The following PVT1 variants were observed in gnomAD, a reference collection of about 807,000 sequenced individuals.
PVT1 encodes Pvt1 oncogene, also known as CXCR4/PVT1 fusion.
intron 2 of PVT1, among the ~76,000 whole-genome samples, chr8:127,871,917 C>G (rs779979336): frequency 6.6e-6 from 1 of 151,858 alleles, no homozygotes; most frequent in Non-Finnish European, 1.5e-5. Flanking sequence ...GGCAAAACCC[C>G]GTCTCCACTA....
intron 4 of PVT1, among the ~76,000 whole-genome samples, chr8:128,064,123 T>G (rs79243076): frequency 0.031 from 4,697 of 152,294 alleles, 238 homozygotes; most frequent in African/African-American, 0.11. Context: ...TTGATAGTCC[T>G]TCCTGCAGTA....
At position 127,932,707 on chromosome 8, in the gene PVT1, G is replaced by T. The variant is rs542766793; in HGVS notation, n.782+41709G>T. Reference sequence around the variant, plus strand: ...AATAAAAAATAAAAACATAATACACGTTATATTTCTATCTTATAATACACA... The same window carrying T: ...AATAAAAAATAAAAACATAATACACTTTATATTTCTATCTTATAATACACA... On this transcript the variant is annotated intron_variant and non_coding_transcript_variant, in intron 3 of 10. Coordinates refer to ENST00000651587, the Ensembl canonical transcript of PVT1. 4.4e-5 allele frequency: 17 copies of T among 387,016 alleles called. No homozygotes were observed. The East Asian group carries it at 5.5e-4, about 13-fold the overall frequency. The allele number at this position is 387,016 out of a possible 1,614,324, so 24.0% of individuals were successfully genotyped here.
chr8:127,825,490 G>A (rs1439199727), intron 2 of PVT1, among the ~76,000 whole-genome samples: 2 of 152,156 alleles, frequency 1.3e-5, no homozygotes, highest in Non-Finnish European at 2.9e-5. Context: ...TTTTGAGTTT[G>A]ATTTAAATAG....
chr8:127,918,580 G>A (rs1816019665), intron 3 of PVT1, among the ~76,000 whole-genome samples: 2 of 152,128 alleles, frequency 1.3e-5, no homozygotes, highest in African/African-American at 4.8e-5. Flanking sequence ...CTGGCACTAG[G>A]GGCTTGCATG....
At chr8:128,009,127 TCTG>T (rs1258436154) in intron 4 of PVT1, among the ~76,000 whole-genome samples, 2 of 152,188 alleles carry the variant, frequency 1.3e-5, no homozygotes, top group African/African-American at 4.8e-5. Flanking sequence ...GTATTAGAAA[TCTG>T]CTTATATCAT....
At chr8:128,007,550 G>A (rs1172261725) in intron 4 of PVT1, among the ~76,000 whole-genome samples, 1 of 152,158 alleles carries the variant, frequency 6.6e-6, no homozygotes, top group Non-Finnish European at 1.5e-5. Flanking sequence ...GCCCATTTTT[G>A]TAGGAGCAAG....
intron 4 of PVT1, among the ~76,000 whole-genome samples, chr8:128,007,822 T>A (rs1672479356): frequency 6.6e-6 from 1 of 152,260 alleles, no homozygotes; most frequent in South Asian, 2.1e-4. Context: ...CAGGCAGTGC[T>A]GTGCAATGTC....
intron 2 of PVT1, among the ~76,000 whole-genome samples, chr8:127,815,404 G>C (rs1296626732): frequency 6.6e-6 from 1 of 152,212 alleles, no homozygotes; most frequent in Non-Finnish European, 1.5e-5. Flanking sequence ...GTGAGGCACA[G>C]ACATTTTAAG....
chr8:127,982,540 T>C (rs1328796518), intron 3 of PVT1, among the ~76,000 whole-genome samples: 1 of 152,078 alleles, frequency 6.6e-6, no homozygotes, highest in Non-Finnish European at 1.5e-5. Flanking sequence ...CTGGGTTCAG[T>C]GGCTCATGCC....
chr8:127,816,407 CAA>C lies in PVT1; in HGVS notation n.372+20338_372+20339del, dbSNP rs1814660049. Among the ~76,000 whole-genome samples, 2 of 151,396 alleles carry C rather than the reference CAA, an allele frequency of 1.3e-5. 1 individual carries two copies. Among genetic ancestry groups the C allele is most frequent in the Admixed American group, 1.3e-4 (2 of 15,190 alleles). ...GAGAGATCCTCTTATCTCGGCCTCT[CAA>C]AGTGTTGAGATTACAGGCGTGAGCC... On this transcript the variant is annotated intron_variant and non_coding_transcript_variant, in intron 2 of 10. Transcript: ENST00000651587.
chr8:127,826,344 G>C (rs1275892924), intron 2 of PVT1, among the ~76,000 whole-genome samples: 1 of 152,168 alleles, frequency 6.6e-6, no homozygotes, highest in Non-Finnish European at 1.5e-5. Flanking sequence ...TAATCCTGGT[G>C]ATTTCTCGTA....
intron 3 of PVT1, among the ~76,000 whole-genome samples, chr8:127,936,043 T>C (rs1816269530): frequency 1.3e-5 from 2 of 149,834 alleles, no homozygotes; most frequent in Admixed American, 1.3e-4. Context: ...TCTTTTTTTT[T>C]TTTTTTTTTT....
chr8:128,015,116 G>T (rs111361387), intron 4 of PVT1, among the ~76,000 whole-genome samples: 1 of 151,376 alleles, frequency 6.6e-6, no homozygotes, highest in Non-Finnish European at 1.5e-5. Context: ...TTGAGACAGG[G>T]TTTCACTCTG....
intron 2 of PVT1, among the ~76,000 whole-genome samples, chr8:127,845,507 C>T (rs982038028): frequency 2.1e-4 from 31 of 151,122 alleles, no homozygotes; most frequent in African/African-American, 6.7e-4. Flanking sequence ...CTAGACCCAT[C>T]GTACGCTGAA....
intron 5 of PVT1, among the ~76,000 whole-genome samples, chr8:128,070,703 C>T (rs938375298): frequency 2.0e-5 from 3 of 152,072 alleles, no homozygotes; most frequent in Non-Finnish European, 4.4e-5. Context: ...CCCAGAAATC[C>T]CCAGTAGACT....
intron 5 of PVT1, among the ~76,000 whole-genome samples, chr8:128,089,205 A>G (rs1446347995): frequency 6.6e-6 from 1 of 152,226 alleles, no homozygotes; most frequent in Non-Finnish European, 1.5e-5. Flanking sequence ...AGAATACTGT[A>G]AGACTAAGTT....
intron 4 of PVT1, among the ~76,000 whole-genome samples, chr8:127,990,592 G>C (rs574348117): frequency 6.6e-6 from 1 of 152,298 alleles, no homozygotes; most frequent in South Asian, 2.1e-4. Flanking sequence ...TGGAAAGGTG[G>C]GTGAGAAGCT....
rs146471006 is a variant in PVT1 at position 127,946,751 on chromosome 8, AT to A, written n.783-42408del. 621 of 154,284 alleles carry A rather than the reference AT, an allele frequency of 4.0e-3. 5 individuals are homozygous for A. Among genetic ancestry groups the A allele is most frequent in the African/African-American group, 0.014 (578 of 41,624 alleles). The allele number at this position is 154,284 out of a possible 1,614,324, so 9.6% of individuals were successfully genotyped here. On this transcript the variant is annotated intron_variant and non_coding_transcript_variant, in intron 3 of 10. Coordinates refer to ENST00000651587, the Ensembl canonical transcript of PVT1. ...AGTTTGGGAACAATGCCTTTCTTTA[AT>A]TTGAAAGTATCTGTTGTTGGTGTCA...
At chr8:128,096,063 G>C (rs1030364440) in intron 5 of PVT1, among the ~76,000 whole-genome samples, 20 of 152,184 alleles carry the variant, frequency 1.3e-4, no homozygotes, top group African/African-American at 4.8e-4. Context: ...GAGGACATGA[G>C]TCAAAATAAA....
Sources: allele counts gnomAD v4.1 joint callset (sites outside exome capture counted in the v4.1 genomes callset), GRCh38; gene constraint gnomAD v4.1.1; transcripts MANE v1.5; gene names NCBI Gene and HGNC (gene_info 2026-07-23, HGNC 2026-07-21).